UNC13C: variants seen among roughly 807,000 people sequenced by gnomAD.
The protein encoded by UNC13C is unc-13 homolog C.
UNC13C carries 174 observed loss-of-function variants against 245.4 expected under a neutral mutation model. The ratio of observed to expected loss-of-function variants is 0.71; its 90% CI spans 0.63 to 0.80. UNC13C has a LOEUF of 0.80. Ranked by LOEUF, UNC13C falls within the 30% of genes least tolerant of loss-of-function variation. The probability of loss-of-function intolerance (pLI) is 0.00; values close to 1 mark genes in which losing one functional copy is unlikely to be tolerated. For synonymous variants in UNC13C, 992 were observed against 895.1 expected, an observed-to-expected ratio of 1.11 and a Z score of -1.93; for missense variants, 2,829 against 2,602.9, an observed-to-expected ratio of 1.09 and a Z score of -1.89.
intron 10 of UNC13C, among the ~76,000 whole-genome samples, chr15:54,275,356 G>A (rs960708855): frequency 2.0e-5 from 3 of 152,060 alleles, no homozygotes; most frequent in East Asian, 3.9e-4. Flanking sequence ...AGTTATTAGG[G>A]AAATTCAAAT....
At chr15:54,505,744 C>CTTTTTTTTT (rs3083161) in intron 22 of UNC13C, among the ~76,000 whole-genome samples, 3 of 129,858 alleles carry the variant, frequency 2.3e-5, no homozygotes, top group African/African-American at 2.9e-5. Flanking sequence ...AAGCTATATT[C>CTTTTTTTTT]TTTTTTTTTT....
chr15:54,034,798 C>T (rs1360459874), intron 2 of UNC13C, among the ~76,000 whole-genome samples: 1 of 152,216 alleles, frequency 6.6e-6, no homozygotes, highest in Non-Finnish European at 1.5e-5. Flanking sequence ...TTCAGAACCT[C>T]CTCAGTGGTT....
At position 54,494,750 on chromosome 15, in the gene UNC13C, AAC is replaced by A. The variant is rs749594812; in HGVS notation, c.5060+25_5060+26del. 6.2e-7 allele frequency: 1 copy of A among 1,606,440 alleles called. No individual in the cohort carries two copies. The highest frequency in any genetic ancestry group is 1.1e-5 in the South Asian group (1 of 89,032). On this transcript the variant is annotated intron_variant, in intron 20 of 32. Transcript: ENST00000260323. ...AATACTCCTTGTAAGTAGTGATTTT[AAC>A]ACACACACCCTCAGATCTAAATTCA...
chr15:54,623,456 T>C (rs1029755165), intron 31 of UNC13C, among the ~76,000 whole-genome samples: 2 of 152,222 alleles, frequency 1.3e-5, no homozygotes, highest in Non-Finnish European at 2.9e-5. Context: ...GGTAAATTTA[T>C]AGATTTTATC....
At chr15:54,626,580 G>GCCTCGACTGATTAAGTGTAA (rs1463580183) in intron 32 of UNC13C, among the ~76,000 whole-genome samples, 3 of 152,070 alleles carry the variant, frequency 2.0e-5, no homozygotes, top group Non-Finnish European at 4.4e-5. Flanking sequence ...AGGAGATTCT[G>GCCTCGACTGATTAAGTGTAA]CCTCGACTGA....
chr15:53,938,431 A>G, the UNC13C span, among the ~76,000 whole-genome samples: 1 of 151,930 alleles, frequency 6.6e-6, no homozygotes, highest in African/African-American at 2.4e-5. Flanking sequence ...CACCTCACTG[A>G]CAATACTAGA....
chr15:53,886,764 T>C, the UNC13C span, among the ~76,000 whole-genome samples: 5 of 152,148 alleles, frequency 3.3e-5, no homozygotes, highest in African/African-American at 1.2e-4. Context: ...GTATCACTAG[T>C]TACAAATCAG....
intron 19 of UNC13C, among the ~76,000 whole-genome samples, chr15:54,453,309 T>A (rs1386323939): frequency 6.6e-6 from 1 of 152,176 alleles, no homozygotes; most frequent in Non-Finnish European, 1.5e-5. Context: ...GCAGGCTACC[T>A]TGCTTCTCTG....
rs75802009 is a variant in UNC13C at position 54,384,789 on chromosome 15, T to C, written c.4714-8259T>C. On this transcript the variant is annotated intron_variant, in intron 17 of 32. Coordinates refer to ENST00000260323, the MANE Select transcript of UNC13C (RefSeq NM_001080534.3). ...CTACAGGGCACTAATATCTGGAATA[T>C]ACAGGGAACTCAAACATCTCAATAG... Among the ~76,000 whole-genome samples the C allele has an allele frequency of 1.3e-3, 198 of 152,144 alleles. 1 individual carries two copies. The East Asian group carries it at 0.018, about 14-fold the overall frequency.
At chr15:54,423,469 G>A (rs2040695309) in intron 19 of UNC13C, among the ~76,000 whole-genome samples, 1 of 151,510 alleles carries the variant, frequency 6.6e-6, no homozygotes, top group Admixed American at 6.6e-5. Flanking sequence ...ACACAATTTG[G>A]GGCCTGTTTT....
At chr15:54,089,115 G>A (rs1270607160) in intron 2 of UNC13C, among the ~76,000 whole-genome samples, 1 of 152,114 alleles carries the variant, frequency 6.6e-6, no homozygotes, top group Non-Finnish European at 1.5e-5. Context: ...CCTCCTGCAT[G>A]CTCCTGCTTT....
At chr15:54,118,815 C>A (rs748271766) in intron 2 of UNC13C, among the ~76,000 whole-genome samples, 1 of 149,932 alleles carries the variant, frequency 6.7e-6, no homozygotes, top group Non-Finnish European at 1.5e-5. Context: ...TATGTTTTTT[C>A]TATACTCTGT....
At chr15:54,056,806 A>C (rs1035629753) in intron 2 of UNC13C, among the ~76,000 whole-genome samples, 2 of 152,176 alleles carry the variant, frequency 1.3e-5, no homozygotes, top group African/African-American at 2.4e-5. Flanking sequence ...GCCCAATATT[A>C]AACATTCTTA....
the UNC13C span, among the ~76,000 whole-genome samples, chr15:53,875,088 T>C: frequency 6.9e-6 from 1 of 144,542 alleles, no homozygotes. Context: ...TGAGACTCCG[T>C]CTCAAAATTA....
chr15:54,395,147 T>A (rs796680742), intron 18 of UNC13C, among the ~76,000 whole-genome samples: 1 of 149,936 alleles, frequency 6.7e-6, no homozygotes, highest in South Asian at 2.1e-4. Flanking sequence ...GCTGTAAAAC[T>A]TTTTTTCACA....
intron 19 of UNC13C, among the ~76,000 whole-genome samples, chr15:54,470,879 T>C (rs949596891): frequency 2.0e-5 from 3 of 151,406 alleles, no homozygotes; most frequent in Non-Finnish European, 1.5e-5. Flanking sequence ...TAGGCATTTA[T>C]TGCTATATAT....
chr15:54,290,247 C>T (rs764331379), intron 10 of UNC13C, among the ~76,000 whole-genome samples: 7 of 151,812 alleles, frequency 4.6e-5, no homozygotes, highest in African/African-American at 7.3e-5. Context: ...CCAGTCTTTA[C>T]GGGGAAAAAG....
At chr15:54,425,999 A>T (rs1354509171) in intron 19 of UNC13C, among the ~76,000 whole-genome samples, 1 of 151,568 alleles carries the variant, frequency 6.6e-6, no homozygotes, top group African/African-American at 2.4e-5. Flanking sequence ...CTTTGTCAGC[A>T]ATATCCAGGT....
At position 53,978,820 on chromosome 15, in the gene UNC13C, A is replaced by C. The variant is rs1893806110; in HGVS notation, c.-364A>C. On this transcript the variant is annotated 5_prime_UTR_variant, in exon 1 of 33. Transcript: ENST00000260323. Reference sequence around the variant, plus strand: ...ATTGAAAAAAGGAAACGAGACTAGAAACACAATTGCAAGTGGTGTTCCTAA... The same window carrying C: ...ATTGAAAAAAGGAAACGAGACTAGACACACAATTGCAAGTGGTGTTCCTAA... 6.6e-6 allele frequency among the ~76,000 whole-genome samples: 1 copy of C among 152,136 alleles called. No homozygotes were observed. The highest frequency in any genetic ancestry group is 1.5e-5 in the Non-Finnish European group (1 of 68,020).
Sources: gnomAD v4.1 joint callset for allele counts (sites outside exome capture counted in the v4.1 genomes callset) on GRCh38, gnomAD v4.1.1 for gene constraint, MANE v1.5 for transcripts, NCBI Gene and HGNC (gene_info 2026-07-23, HGNC 2026-07-21) for gene names.